Variants in EIF2AK4 observed in about 807,000 individuals in gnomAD.
EIF2AK4 encodes the protein eukaryotic translation initiation factor 2 alpha kinase 4, also known as eIF-2-alpha kinase GCN2.
Under a neutral mutation model 211.1 loss-of-function variants are expected in EIF2AK4, and 139 were observed. The observed-to-expected ratio is 0.66, with a 90% CI of 0.57 to 0.76. EIF2AK4 has a LOEUF of 0.76. EIF2AK4 is among the 30% of genes least tolerant of loss of function. The pLI is 0.00. For synonymous variants in EIF2AK4, 710 were observed against 751.3 expected (o/e 0.94, Z 0.90); for missense variants, 1,664 against 2,043.8 (o/e 0.81, Z 3.58).
chr15:39,934,117 C>G lies in EIF2AK4; in HGVS notation c.-79C>G. On this transcript the variant is annotated 5_prime_UTR_variant, in exon 1 of 39. Transcript: ENST00000263791. ...AACACCGCCCATAGCCCGTCCCCAGCGCGGAGCCCCGCCCCGCAGGCTGCC... is the reference window on the plus strand; with the variant it reads ...AACACCGCCCATAGCCCGTCCCCAGGGCGGAGCCCCGCCCCGCAGGCTGCC... 1 of 1,187,024 alleles carries G rather than the reference C, an allele frequency of 8.4e-7. No homozygotes were observed. Among genetic ancestry groups the G allele is most frequent in the Non-Finnish European group, 1.0e-6 (1 of 955,676 alleles). The allele number at this position is 1,187,024 out of a possible 1,614,324, so 73.5% of individuals were successfully genotyped here.
Position 39,976,815 on chromosome 15 carries a change from G to T in EIF2AK4, c.2220G>T (p.Glu740Asp). The T allele has an allele frequency of 6.4e-7, 1 of 1,554,176 alleles. No homozygotes were observed. ...SSDDEDDDEDEHGGVFSQSFL... is the reference protein window; with the variant it reads ...SSDDEDDDEDDHGGVFSQSFL... ...ATGACGAGGACGACGACGAGGACGA[G>T]CACGGTGGCGTCTTCTCCCAGTCCT... Residue 740 changes from glutamate (E) to aspartate (D), a missense_variant, in exon 12 of 39, where the codon GAG becomes GAT. Transcript: ENST00000263791.
chr15:39,985,702 G>C (rs2034855134), intron 13 of EIF2AK4, 103 bp from the exon 14 acceptor site: 1 of 952,242 alleles, frequency 1.1e-6, no homozygotes, highest in South Asian at 1.5e-5. Context: ...TAAGGCAACT[G>C]GGTGGCCCTG....
intron 9 of EIF2AK4, among the ~76,000 whole-genome samples, chr15:39,969,356 C>CTT (rs10550245): frequency 0.015 from 1,493 of 101,254 alleles, 43 homozygotes; most frequent in Non-Finnish European, 0.02. Context: ...ATTTCTTATT[C>CTT]TTTTTTTTTT....
At chr15:39,939,166 A>G (rs765307628) in intron 1 of EIF2AK4, among the ~76,000 whole-genome samples, 1 of 152,172 alleles carries the variant, frequency 6.6e-6, no homozygotes, top group Non-Finnish European at 1.5e-5. Context: ...TCTAGTTTGT[A>G]TCAGCTGGTT....
At chr15:39,940,602 A>G (rs1219578930) in intron 2 of EIF2AK4, among the ~76,000 whole-genome samples, 3 of 152,224 alleles carry the variant, frequency 2.0e-5, no homozygotes, top group Non-Finnish European at 4.4e-5. Flanking sequence ...AAAAATATTA[A>G]TTAACGAAAC....
At chr15:40,018,442 A>ATT in intron 29 of EIF2AK4, among the ~76,000 whole-genome samples, 1 of 148,550 alleles carries the variant, frequency 6.7e-6, no homozygotes, top group African/African-American at 2.5e-5. Flanking sequence ...GCATTCTTTG[A>ATT]TTTTTTTTTT....
intron 2 of EIF2AK4, among the ~76,000 whole-genome samples, chr15:39,942,203 A>C (rs1237480754): frequency 6.6e-6 from 1 of 152,188 alleles, no homozygotes. Flanking sequence ...TTTTCTGCAG[A>C]ATAGTCCTGG....
chr15:39,993,348 A>G (rs994963976), intron 18 of EIF2AK4, among the ~76,000 whole-genome samples: 2 of 152,236 alleles, frequency 1.3e-5, no homozygotes, highest in Admixed American at 1.3e-4. Context: ...CAGACAACAA[A>G]TAAGTAAAAA....
At position 39,955,766 on chromosome 15, in the gene EIF2AK4, T is replaced by C; in HGVS notation, c.741T>C (p.Ser247=). The change falls in exon 6 of 39, where the codon TCT becomes TCC. Residue 247 remains serine (S), a splice_region_variant and synonymous_variant. Coordinates refer to ENST00000263791, the MANE Select transcript of EIF2AK4 (RefSeq NM_001013703.4). ...ATCGGGCAAACTCCTCAGGAAGGTC[T>C]AGGTAAGTCCCTGGGATTTCTGATC... ...GKHRANSSGR[S]RRERQYSVCN... 6.3e-7 allele frequency: 1 copy of C among 1,596,504 alleles called. No homozygotes were observed. Among genetic ancestry groups the C allele is most frequent in the South Asian group, 1.1e-5 (1 of 87,150 alleles).
chr15:39,942,348 A>T (rs1046984246), intron 2 of EIF2AK4, among the ~76,000 whole-genome samples: 1 of 152,190 alleles, frequency 6.6e-6, no homozygotes, highest in Non-Finnish European at 1.5e-5. Flanking sequence ...CTAACCCAGG[A>T]TTCCATACAT....
chr15:40,023,883 A>G (rs1355823930), intron 32 of EIF2AK4, among the ~76,000 whole-genome samples: 3 of 151,994 alleles, frequency 2.0e-5, no homozygotes, highest in African/African-American at 4.8e-5. Context: ...GTATTGACAA[A>G]CTACACCTTG....
intron 33 of EIF2AK4, among the ~76,000 whole-genome samples, chr15:40,027,862 C>T (rs1326065773): frequency 1.3e-5 from 2 of 151,204 alleles, no homozygotes; most frequent in Non-Finnish European, 3.0e-5. Context: ...TGCACTCCAG[C>T]CTGGGTGACA....
At chr15:40,032,321 TC>T in intron 36 of EIF2AK4, 84 bp downstream of exon 36, 5 of 1,232,038 alleles carry the variant, frequency 4.1e-6, no homozygotes, top group Non-Finnish European at 5.9e-6. Context: ...GCTTTTTTGC[TC>T]AGTGTCAGCA....
In EIF2AK4 at chr15:39,972,786, T is replaced by C. The variant is rs942991010; in HGVS notation, c.1554-122T>C. 4.2e-6 allele frequency: 3 copies of C among 716,330 alleles called. No individual in the cohort carries two copies. In the African/African-American group the frequency reaches 5.4e-5, roughly 13 times the overall value. The allele number at this position is 716,330 out of a possible 1,614,324, so 44.4% of individuals were successfully genotyped here. ...CACCTATGAGAGTACATTCTGGTCTTTGAGTAACATGAATTCTATAATGTG... is the reference window on the plus strand; with the variant it reads ...CACCTATGAGAGTACATTCTGGTCTCTGAGTAACATGAATTCTATAATGTG... On this transcript the variant is annotated intron_variant, in intron 9 of 38. Coordinates refer to ENST00000263791, the MANE Select transcript of EIF2AK4 (RefSeq NM_001013703.4).
At chr15:40,025,190 G>A (rs2035450373) in intron 32 of EIF2AK4, among the ~76,000 whole-genome samples, 1 of 152,170 alleles carries the variant, frequency 6.6e-6, no homozygotes. Context: ...GTACAACCCT[G>A]AATAGTCTAT....
chr15:39,943,390 G>A lies in EIF2AK4; in HGVS notation c.265G>A (p.Glu89Lys), dbSNP rs928627546. ...CPPTYPDVVP[E>K]IELKNAKGLS... ...TTTTTTTGCCTTTTCCAGAGTTCCT[G>A]AAATAGAGTTAAAAAATGCCAAAGG... is the stretch of plus-strand genomic sequence containing the variant. Residue 89 changes from glutamate to lysine, a missense_variant, in exon 3 of 39, where the codon GAA (glutamate) becomes AAA (lysine). Physicochemically the swap from Glu to Lys is moderately conservative, Grantham distance 56 (BLOSUM62 1). This residue lies in a region of EIF2AK4 where 641 missense variants were observed against 729.6 expected (regional missense o/e 0.88). Transcript: ENST00000263791. 2.3e-6 allele frequency: 3 copies of A among 1,327,706 alleles called. No homozygotes were observed. Among genetic ancestry groups the A allele is most frequent in the African/African-American group, 3.4e-5 (2 of 58,328 alleles). 82.2% of individuals were successfully genotyped at this position (1,327,706 alleles called of 1,614,324 possible). A position where few individuals can be genotyped will look rare whatever the true frequency, so the allele number is the denominator to read the frequency against.
Position 40,032,237 on chromosome 15 carries a change from TGTAA to T in EIF2AK4, c.4728+3_4728+6del. The T allele has an allele frequency of 1.2e-6, 2 of 1,614,134 alleles. No individual in the cohort carries two copies. The highest frequency in any genetic ancestry group is 1.7e-6 in the Non-Finnish European group (2 of 1,179,922). ...AAAGCAGTGAAATTGAAATTCTGGCTGTAAGTGGCTTTCTTTAGTATTTTGAAGG... is the reference window on the plus strand; with the variant it reads ...AAAGCAGTGAAATTGAAATTCTGGCTGTGGCTTTCTTTAGTATTTTGAAGG... On this transcript the variant is annotated splice_donor_variant and splice_donor_region_variant and intron_variant, in intron 36 of 38. Coordinates refer to ENST00000263791, the MANE Select transcript of EIF2AK4 (RefSeq NM_001013703.4). LOFTEE classifies it high-confidence loss of function.
chr15:39,979,026 G>A (rs943201432), intron 13 of EIF2AK4, among the ~76,000 whole-genome samples: 3 of 152,188 alleles, frequency 2.0e-5, no homozygotes, highest in Non-Finnish European at 4.4e-5. Flanking sequence ...TTTCCCCAAT[G>A]TGTAAACAAA....
chr15:40,021,031 A>G lies in EIF2AK4; in HGVS notation c.4302+4A>G. 1 of 1,611,552 alleles carries G rather than the reference A, an allele frequency of 6.2e-7. No individual in the cohort carries two copies. The highest frequency in any genetic ancestry group is 2.2e-5 in the East Asian group (1 of 44,800). On this transcript the variant is annotated splice_donor_region_variant and intron_variant, in intron 31 of 38. Coordinates refer to ENST00000263791, the MANE Select transcript of EIF2AK4 (RefSeq NM_001013703.4). ...AATCATGTACGACTGGTCACAGGTA[A>G]TGGGACAAAAAGCACCTGTGAGTGA...
Sources: gnomAD v4.1 joint callset for allele counts (sites outside exome capture counted in the v4.1 genomes callset) on GRCh38, gnomAD v4.1.1 for gene constraint, gnomAD v4.1.1 regional missense constraint, MANE v1.5 for transcripts, NCBI Gene and HGNC (gene_info 2026-07-23, HGNC 2026-07-21) for gene names.